The following LRP1B variants were observed in gnomAD, a reference collection of about 807,000 sequenced individuals.
The protein encoded by LRP1B is LDL receptor related protein 1B.
LRP1B carries 217 observed loss-of-function variants against 556.6 expected under a neutral mutation model. That is an observed-to-expected ratio of 0.39 (90% confidence interval 0.35 to 0.44). The LOEUF is 0.44. LRP1B is among the 20% of genes least tolerant of loss of function. The pLI, the probability that LRP1B is intolerant of heterozygous loss-of-function variation, is 1.00. For synonymous variants in LRP1B, 2,047 were observed against 1,865.8 expected (o/e 1.10, Z -2.50); for missense variants, 5,053 against 5,620.8 (o/e 0.90, Z 3.23).
intron 35 of LRP1B, among the ~76,000 whole-genome samples, chr2:140,760,982 A>G (rs1688901641): frequency 6.6e-6 from 1 of 152,228 alleles, no homozygotes; most frequent in Admixed American, 6.5e-5. Context: ...TTCCTTACTC[A>G]ACTTACTCTA....
At chr2:141,263,636 A>G (rs1291249398) in intron 3 of LRP1B, among the ~76,000 whole-genome samples, 1 of 152,156 alleles carries the variant, frequency 6.6e-6, no homozygotes, top group Non-Finnish European at 1.5e-5. Context: ...AAAGAAAGAA[A>G]ACATTTTCCA....
At chr2:141,386,914 T>A (rs1366971823) in intron 3 of LRP1B, among the ~76,000 whole-genome samples, 1 of 152,016 alleles carries the variant, frequency 6.6e-6, no homozygotes, top group Non-Finnish European at 1.5e-5. Flanking sequence ...TCTTTTCAAG[T>A]GCACAAGGAA....
At chr2:140,790,524 T>C (rs1690078306) in intron 32 of LRP1B, among the ~76,000 whole-genome samples, 1 of 151,050 alleles carries the variant, frequency 6.6e-6, no homozygotes, top group South Asian at 2.1e-4. Flanking sequence ...CAATAGCACT[T>C]TGAGCTGCTG....
rs80305769 is a variant in LRP1B, at chr2:141,246,219, T to C, written c.592+1007A>G. 5.3e-4 allele frequency among the ~76,000 whole-genome samples: 80 copies of C among 152,316 alleles called. 3 individuals are homozygous for C. The East Asian group carries it at 0.013, about 25-fold the overall frequency. Reference sequence around the variant, plus strand: ...TGGATTGGGAAGGTCACTCTGAATATTGACATTTTAGCTGAGACTCAAGTG... The same window carrying C: ...TGGATTGGGAAGGTCACTCTGAATACTGACATTTTAGCTGAGACTCAAGTG... On this transcript the variant is annotated intron_variant, in intron 5 of 90. Transcript: ENST00000389484.
chr2:141,812,630 T>C (rs1214541532), intron 1 of LRP1B, among the ~76,000 whole-genome samples: 2 of 152,134 alleles, frequency 1.3e-5, no homozygotes, highest in Non-Finnish European at 2.9e-5. Context: ...GGATCAGTTA[T>C]GAAGGAACTT....
chr2:141,812,265 T>C (rs984796391), intron 1 of LRP1B, among the ~76,000 whole-genome samples: 4 of 152,122 alleles, frequency 2.6e-5, no homozygotes, highest in African/African-American at 9.7e-5. Context: ...AGAGACCATA[T>C]AATTTATCAC....
At chr2:141,994,846 C>T (rs1702444787) in intron 1 of LRP1B, among the ~76,000 whole-genome samples, 1 of 152,092 alleles carries the variant, frequency 6.6e-6, no homozygotes, top group African/African-American at 2.4e-5. Flanking sequence ...AAAGAAGTAG[C>T]TCCCAGACAT....
chr2:140,345,878 A>ATT (rs200833593), intron 77 of LRP1B, among the ~76,000 whole-genome samples: 2 of 140,354 alleles, frequency 1.4e-5, no homozygotes, highest in African/African-American at 5.1e-5. Context: ...ATATATATAT[A>ATT]AAAAAAATAG....
chr2:141,556,018 A>T (rs1352800901), intron 2 of LRP1B, among the ~76,000 whole-genome samples: 1 of 151,732 alleles, frequency 6.6e-6, no homozygotes, highest in Admixed American at 6.6e-5. Context: ...CACATTCTAG[A>T]GTTTTATAGC....
At chr2:141,376,266 C>T (rs1473383008) in intron 3 of LRP1B, among the ~76,000 whole-genome samples, 3 of 152,120 alleles carry the variant, frequency 2.0e-5, no homozygotes. Context: ...AAGCCTGAGC[C>T]CCCAGTGAGT....
At chr2:140,370,899 G>T in intron 70 of LRP1B, 57 bp from the exon 71 acceptor site, 1 of 1,573,436 alleles carries the variant, frequency 6.4e-7, no homozygotes, top group South Asian at 1.1e-5. Flanking sequence ...TACAATCATG[G>T]GCAAAATAAA....
intron 1 of LRP1B, among the ~76,000 whole-genome samples, chr2:141,887,612 A>T (rs1293581100): frequency 6.6e-6 from 1 of 152,224 alleles, no homozygotes; most frequent in East Asian, 1.9e-4. Context: ...GCTGTTACAT[A>T]CTAGAAGACA....
At position 141,415,292 on chromosome 2, in the gene LRP1B, C is replaced by T. The variant is rs184069913; in HGVS notation, c.343+65104G>A. Among the ~76,000 whole-genome samples, 480 of 152,276 alleles carry T rather than the reference C, an allele frequency of 3.2e-3. 2 individuals are homozygous for T. Among genetic ancestry groups the T allele is most frequent in the African/African-American group, 0.011 (458 of 41,566 alleles). ...CCTCCCAAAGTGCTGGGATTACAGG[C>T]GTGAGCCACCACGCCCGGCCTCTAA... On this transcript the variant is annotated intron_variant, in intron 3 of 90. Coordinates refer to ENST00000389484, the MANE Select transcript of LRP1B (RefSeq NM_018557.3).
Position 140,462,301 on chromosome 2 carries a change from A to T in LRP1B, c.9626-4650T>A, listed in dbSNP as rs187277455. 2.6e-5 allele frequency among the ~76,000 whole-genome samples: 4 copies of T among 152,288 alleles called. No homozygotes were observed. In the East Asian group the frequency reaches 7.7e-4, roughly 29 times the overall value. On this transcript the variant is annotated intron_variant, in intron 60 of 90. Coordinates refer to ENST00000389484, the MANE Select transcript of LRP1B (RefSeq NM_018557.3). ...TTTTTAATCCCTTCCAATCTCTTTT[A>T]TATTAGTCAGAATTGCTGCAGAAAA...
At chr2:142,035,085 C>T (rs181715878) in intron 1 of LRP1B, among the ~76,000 whole-genome samples, 1 of 151,648 alleles carries the variant, frequency 6.6e-6, no homozygotes, top group East Asian at 2.0e-4. Context: ...TATCATAAGC[C>T]ATTAAAAAGT....
intron 2 of LRP1B, among the ~76,000 whole-genome samples, chr2:141,795,885 T>TATATATAC (rs1695792544): frequency 1.3e-5 from 1 of 75,196 alleles, no homozygotes; most frequent in African/African-American, 4.7e-5. Context: ...TATATATATA[T>TATATATAC]ATATATATAT....
chr2:141,564,667 A>G (rs1017410573), intron 2 of LRP1B, among the ~76,000 whole-genome samples: 8 of 152,062 alleles, frequency 5.3e-5, no homozygotes, highest in Non-Finnish European at 1.2e-4. Context: ...AAAATGGGAC[A>G]TCAGTACTAG....
rs989092466 is a variant in LRP1B, at chr2:140,307,049, C to T, written c.12805+7886G>A. ...TTTAAATTTCACTTATATCACATGTCCCTTACATAGCAAAATCTGTCTCAG... is the reference window on the plus strand; with the variant it reads ...TTTAAATTTCACTTATATCACATGTTCCTTACATAGCAAAATCTGTCTCAG... On this transcript the variant is annotated intron_variant, in intron 83 of 90. Coordinates refer to ENST00000389484, the MANE Select transcript of LRP1B (RefSeq NM_018557.3). Among the ~76,000 whole-genome samples the T allele has an allele frequency of 2.0e-5, 3 of 151,856 alleles. No individual in the cohort carries two copies. The Admixed American group carries it at 2.0e-4, about 10-fold the overall frequency.
intron 12 of LRP1B, among the ~76,000 whole-genome samples, chr2:141,017,609 T>A (rs2105392792): frequency 6.6e-6 from 1 of 151,948 alleles, no homozygotes; most frequent in South Asian, 2.1e-4. Context: ...ATAAGAAAGT[T>A]ATTTTTCTAA....
Sources: gnomAD v4.1 joint callset for allele counts (sites outside exome capture counted in the v4.1 genomes callset) on GRCh38, gnomAD v4.1.1 for gene constraint, MANE v1.5 for transcripts, NCBI Gene and HGNC (gene_info 2026-07-23, HGNC 2026-07-21) for gene names.